The following CCSER1 variants were observed in gnomAD, a reference collection of about 807,000 sequenced individuals.
The protein encoded by CCSER1 is coiled-coil serine rich protein 1.
A neutral mutation model predicts 82.0 loss-of-function variants in CCSER1; 41 were observed. That is an observed-to-expected ratio of 0.50 (90% confidence interval 0.39 to 0.65). The LOEUF (loss-of-function observed/expected upper bound fraction) is 0.65, where lower values mean the gene tolerates loss of function less well. Ranked by LOEUF, CCSER1 falls within the 30% of genes least tolerant of loss-of-function variation. The pLI is 0.00. For missense variants in CCSER1, 1,119 were observed against 1,064.2 expected, an observed-to-expected ratio of 1.05 and a Z score of -0.72; for synonymous variants, 414 against 383.9, an observed-to-expected ratio of 1.08 and a Z score of -0.92.
intron 8 of CCSER1, among the ~76,000 whole-genome samples, chr4:90,888,613 G>A (rs547483160): frequency 8.0e-4 from 122 of 151,934 alleles, no homozygotes; most frequent in Non-Finnish European, 1.3e-3. Flanking sequence ...TAATTAAATG[G>A]GAAAATAATC....
intron 6 of CCSER1, among the ~76,000 whole-genome samples, chr4:90,665,552 A>G (rs914568706): frequency 6.6e-6 from 1 of 151,940 alleles, no homozygotes; most frequent in Non-Finnish European, 1.5e-5. Context: ...CGATCTCCTG[A>G]CCTCGTGATC....
intron 3 of CCSER1, among the ~76,000 whole-genome samples, chr4:90,372,994 C>G (rs1463681432): frequency 2.6e-5 from 4 of 151,560 alleles, no homozygotes; most frequent in Non-Finnish European, 4.4e-5. Context: ...TATTAAGGAC[C>G]CCAACTTTAT....
intron 4 of CCSER1, among the ~76,000 whole-genome samples, chr4:90,437,716 G>A (rs1166994665): frequency 1.3e-5 from 2 of 152,068 alleles, no homozygotes; most frequent in Non-Finnish European, 2.9e-5. Context: ...CTCTTCATTT[G>A]TATCTCATCA....
chr4:91,066,845 T>G (rs565898160), intron 9 of CCSER1, among the ~76,000 whole-genome samples: 1 of 152,286 alleles, frequency 6.6e-6, no homozygotes, highest in Admixed American at 6.5e-5. Flanking sequence ...GAGAAAGACC[T>G]TATCTGTTTT....
intron 10 of CCSER1, among the ~76,000 whole-genome samples, chr4:91,219,308 CTT>C (rs59884169): frequency 1.7e-4 from 17 of 99,898 alleles, no homozygotes; most frequent in Non-Finnish European, 2.3e-4. Context: ...TACAGTTTGG[CTT>C]TTTTTTTTTT....
At chr4:90,961,254 T>C (rs1388123263) in intron 9 of CCSER1, among the ~76,000 whole-genome samples, 1 of 152,174 alleles carries the variant, frequency 6.6e-6, no homozygotes, top group African/African-American at 2.4e-5. Flanking sequence ...CTATCCAGCA[T>C]TCATCAAATG....
intron 5 of CCSER1, among the ~76,000 whole-genome samples, chr4:90,551,716 A>C (rs1383924731): frequency 0.011 from 1,165 of 107,062 alleles, 8 homozygotes; most frequent in Non-Finnish European, 0.018. Flanking sequence ...CTATATATAT[A>C]TATATATATA....
intron 10 of CCSER1, among the ~76,000 whole-genome samples, chr4:91,485,218 A>T (rs1352587952): frequency 6.6e-6 from 1 of 152,142 alleles, no homozygotes; most frequent in Non-Finnish European, 1.5e-5. Flanking sequence ...CCTTGCTGTC[A>T]TTTCTTAAAT....
intron 10 of CCSER1, among the ~76,000 whole-genome samples, chr4:91,369,862 A>G (rs1412884281): frequency 1.4e-5 from 2 of 145,720 alleles, no homozygotes; most frequent in East Asian, 2.0e-4. Flanking sequence ...ATTTTTTTTT[A>G]GGAGAGACGG....
intron 9 of CCSER1, among the ~76,000 whole-genome samples, chr4:90,982,388 G>A (rs539027757): frequency 6.6e-6 from 1 of 151,692 alleles, no homozygotes. Context: ...GGGGTGTAGG[G>A]TTTCCACATA....
intron 8 of CCSER1, among the ~76,000 whole-genome samples, chr4:90,855,687 AATTG>A (rs1764383150): frequency 6.6e-6 from 1 of 152,156 alleles, no homozygotes; most frequent in Admixed American, 6.5e-5. Context: ...GATATTTATT[AATTG>A]ATTAATATCT....
chr4:90,140,357 A>G (rs745534281), intron 1 of CCSER1, among the ~76,000 whole-genome samples: 21 of 152,042 alleles, frequency 1.4e-4, no homozygotes, highest in Non-Finnish European at 2.5e-4. Context: ...CAAGTTTAGG[A>G]CTCCTTAGGG....
At chr4:90,653,460 C>T (rs979082020) in intron 6 of CCSER1, among the ~76,000 whole-genome samples, 2 of 151,218 alleles carry the variant, frequency 1.3e-5, no homozygotes, top group African/African-American at 2.4e-5. Context: ...TTTAATGAAA[C>T]GTAAGTATTG....
At chr4:91,208,595 T>C (rs936170327) in intron 10 of CCSER1, among the ~76,000 whole-genome samples, 2 of 151,952 alleles carry the variant, frequency 1.3e-5, no homozygotes, top group African/African-American at 4.8e-5. Context: ...CGTGCCTGTT[T>C]TTGTACTAGT....
At chr4:90,758,506 G>A (rs1337354011) in intron 7 of CCSER1, among the ~76,000 whole-genome samples, 1 of 151,960 alleles carries the variant, frequency 6.6e-6, no homozygotes, top group Non-Finnish European at 1.5e-5. Flanking sequence ...AAAAAGACAA[G>A]CAGATTAAAT....
chr4:90,469,660 A>G (rs1468472282), intron 5 of CCSER1, among the ~76,000 whole-genome samples: 3 of 152,082 alleles, frequency 2.0e-5, no homozygotes, highest in Non-Finnish European at 4.4e-5. Flanking sequence ...CTAATAATCC[A>G]TAAAGTTCTA....
chr4:90,855,716 C>T (rs1042206502), intron 8 of CCSER1, among the ~76,000 whole-genome samples: 2 of 152,012 alleles, frequency 1.3e-5, no homozygotes, highest in Non-Finnish European at 2.9e-5. Flanking sequence ...GTTCTGGCTT[C>T]ACTATTAGAT....
chr4:90,457,304 G>A (rs1264950600), intron 4 of CCSER1, among the ~76,000 whole-genome samples: 2 of 152,142 alleles, frequency 1.3e-5, no homozygotes, highest in Non-Finnish European at 2.9e-5. Flanking sequence ...TCCCCAAAGA[G>A]CCTCAACTTT....
rs185401703 is a variant in CCSER1, at chr4:90,590,722, C to T, written c.1725-37303C>T. On this transcript the variant is annotated intron_variant, in intron 5 of 10. Coordinates refer to ENST00000509176, the MANE Select transcript of CCSER1 (RefSeq NM_001145065.2). ...GTAGCCTTGTAGTATAGTTTGAAGTCGCGTAGCATGATGCCTCCAGCTTTG... is the reference window on the plus strand; with the variant it reads ...GTAGCCTTGTAGTATAGTTTGAAGTTGCGTAGCATGATGCCTCCAGCTTTG... Among the ~76,000 whole-genome samples, 636 of 152,168 alleles carry T rather than the reference C, an allele frequency of 4.2e-3. 3 individuals are homozygous for T. The highest frequency in any genetic ancestry group is 0.01 in the Middle Eastern group (3 of 294).
Sources: allele counts gnomAD v4.1 joint callset (sites outside exome capture counted in the v4.1 genomes callset), GRCh38; gene constraint gnomAD v4.1.1; transcripts MANE v1.5; gene names NCBI Gene and HGNC (gene_info 2026-07-23, HGNC 2026-07-21).